Variants in NDUFA10 observed in about 807,000 individuals in gnomAD.
NDUFA10 encodes the protein NADH:ubiquinone oxidoreductase subunit A10.
Under a neutral mutation model 47.8 loss-of-function variants are expected in NDUFA10, and 40 were observed. The observed-to-expected ratio is 0.84, with a 90% confidence interval of 0.65 to 1.09. The LOEUF (loss-of-function observed/expected upper bound fraction) is 1.09. NDUFA10 is among the 50% of genes least tolerant of loss of function. NDUFA10 has a pLI of 0.00. For synonymous variants in NDUFA10, 183 were observed against 172.2 expected (o/e 1.06, Z -0.49); for missense variants, 413 against 451.1 (o/e 0.92, Z 0.76).
intron 7 of NDUFA10, among the ~76,000 whole-genome samples, chr2:240,005,796 C>T (rs933945919): frequency 6.6e-6 from 1 of 152,166 alleles, no homozygotes; most frequent in Non-Finnish European, 1.5e-5. Context: ...ATGGCCTTGC[C>T]TAGCTAACAC....
intron 4 of NDUFA10, among the ~76,000 whole-genome samples, chr2:239,934,573 C>G (rs1186760469): frequency 1.3e-5 from 2 of 152,038 alleles, no homozygotes; most frequent in Non-Finnish European, 2.9e-5. Context: ...ATTCGCTTAC[C>G]CATCATCTTA....
chr2:239,938,251 G>A (rs990492977), intron 4 of NDUFA10, among the ~76,000 whole-genome samples: 7 of 152,152 alleles, frequency 4.6e-5, no homozygotes, highest in Non-Finnish European at 7.3e-5. Context: ...GAATAAACCT[G>A]TAGCGTGGCA....
At chr2:239,929,696 ACTGCTCTTGCTCCTCC>A (rs1694127873) in intron 4 of NDUFA10, among the ~76,000 whole-genome samples, 1 of 140,144 alleles carries the variant, frequency 7.1e-6, no homozygotes, top group Admixed American at 7.2e-5. Context: ...CTGCTCCTCC[ACTGCTCTTGCTCCTCC>A]GCCGGCCCTG....
intron 9 of NDUFA10, among the ~76,000 whole-genome samples, chr2:239,982,388 A>G (rs1239382335): frequency 6.6e-6 from 1 of 152,250 alleles, no homozygotes; most frequent in Non-Finnish European, 1.5e-5. Flanking sequence ...GTGTAATTAT[A>G]GAAAACAGCA....
chr2:239,905,175 G>A (rs1693623975), intron 4 of NDUFA10, among the ~76,000 whole-genome samples: 1 of 152,164 alleles, frequency 6.6e-6, no homozygotes, highest in African/African-American at 2.4e-5. Context: ...AACGCAATGT[G>A]TGCCCGGGCC....
chr2:239,905,108 G>A (rs1314465869), intron 4 of NDUFA10, among the ~76,000 whole-genome samples: 1 of 152,216 alleles, frequency 6.6e-6, no homozygotes, highest in Non-Finnish European at 1.5e-5. Context: ...GGAAACTGCT[G>A]TTCTACCCTC....
At chr2:239,913,507 C>G (rs1331913141) in intron 4 of NDUFA10, among the ~76,000 whole-genome samples, 1 of 152,218 alleles carries the variant, frequency 6.6e-6, no homozygotes, top group Non-Finnish European at 1.5e-5. Context: ...TGGCCTTGCT[C>G]TGCACCTCAG....
intron 4 of NDUFA10, among the ~76,000 whole-genome samples, chr2:239,910,486 G>A: frequency 6.6e-6 from 1 of 152,238 alleles, no homozygotes; most frequent in South Asian, 2.1e-4. Flanking sequence ...AAACACCACA[G>A]GTTCTGACTT....
chr2:239,903,076 T>C (rs1693582406), intron 4 of NDUFA10, among the ~76,000 whole-genome samples: 1 of 151,996 alleles, frequency 6.6e-6, no homozygotes, highest in Admixed American at 6.6e-5. Flanking sequence ...GTGGTGGAAA[T>C]CCAGAGCACG....
chr2:239,938,665 C>T (rs1054536098), intron 4 of NDUFA10, among the ~76,000 whole-genome samples: 1 of 152,150 alleles, frequency 6.6e-6, no homozygotes, highest in African/African-American at 2.4e-5. Flanking sequence ...ATGAGCTGCC[C>T]TGGGGGGCTG....
chr2:239,962,788 G>A (rs1694908367), intron 9 of NDUFA10, among the ~76,000 whole-genome samples: 2 of 152,182 alleles, frequency 1.3e-5, no homozygotes, highest in South Asian at 2.1e-4. Context: ...GGGCAGGTAC[G>A]CCACATAGTG....
intron 1 of NDUFA10, among the ~76,000 whole-genome samples, chr2:240,023,749 T>C (rs997353808): frequency 2.0e-5 from 3 of 152,242 alleles, no homozygotes; most frequent in Admixed American, 2.0e-4. Flanking sequence ...TATTTTTCGA[T>C]CTTGATTTGA....
At chr2:239,919,027 T>C (rs1693923464) in intron 4 of NDUFA10, among the ~76,000 whole-genome samples, 1 of 152,178 alleles carries the variant, frequency 6.6e-6, no homozygotes, top group Non-Finnish European at 1.5e-5. Context: ...CCTGACAAGA[T>C]CTGAAGACAG....
chr2:239,931,914 C>G (rs1340250094), intron 4 of NDUFA10, among the ~76,000 whole-genome samples: 2 of 142,462 alleles, frequency 1.4e-5, no homozygotes, highest in African/African-American at 5.3e-5. Flanking sequence ...CGGCTCACTG[C>G]AAGCTCCGCC....
At chr2:239,898,439 T>G (rs1693442618) in intron 4 of NDUFA10, among the ~76,000 whole-genome samples, 1 of 151,698 alleles carries the variant, frequency 6.6e-6, no homozygotes, top group African/African-American at 2.4e-5. Flanking sequence ...CTGCTCTTTT[T>G]GTCAGCCCCC....
At chr2:239,895,327 A>AG (rs1452381619) in intron 4 of NDUFA10, 11 of 463,774 alleles carry the variant, frequency 2.4e-5, no homozygotes, top group Middle Eastern at 6.6e-4. Context: ...AGAGACGAAG[A>AG]GGACAGTGAC....
chr2:239,923,015 G>A (rs1242122769), intron 4 of NDUFA10, among the ~76,000 whole-genome samples: 1 of 152,144 alleles, frequency 6.6e-6, no homozygotes. Flanking sequence ...AGTATGAGTA[G>A]CTATATATGT....
chr2:239,965,598 C>CGTGACACCCATGTGT (rs1231687760), intron 9 of NDUFA10, among the ~76,000 whole-genome samples: 19 of 152,178 alleles, frequency 1.2e-4, no homozygotes, highest in South Asian at 4.1e-4. Context: ...TGCCCGGGTG[C>CGTGACACCCATGTGT]GTGACACCCA....
intron 4 of NDUFA10, among the ~76,000 whole-genome samples, chr2:239,921,099 T>A (rs555299031): frequency 6.6e-6 from 1 of 152,170 alleles, no homozygotes; most frequent in East Asian, 2.0e-4. Flanking sequence ...CCAATATTAT[T>A]TGCAAATCAA....
Sources: gnomAD v4.1 joint callset for allele counts (sites outside exome capture counted in the v4.1 genomes callset) on GRCh38, gnomAD v4.1.1 for gene constraint, MANE v1.5 for transcripts, NCBI Gene and HGNC (gene_info 2026-07-23, HGNC 2026-07-21) for gene names.